Variants in ITIH4 observed in about 807,000 individuals in gnomAD.
ITIH4 encodes inter-alpha-trypsin inhibitor heavy chain H4.
ITIH4 carries 79 observed loss-of-function variants against 111.8 expected under a neutral mutation model. That is an observed-to-expected ratio of 0.71 (90% confidence interval 0.59 to 0.85). The LOEUF (loss-of-function observed/expected upper bound fraction) is 0.85, where lower values mean the gene tolerates loss of function less well. Ranked by LOEUF, ITIH4 falls within the 40% of genes least tolerant of loss-of-function variation. ITIH4 has a pLI of 0.00. For missense variants in ITIH4, 1,065 were observed against 1,195.8 expected, an observed-to-expected ratio of 0.89 and a Z score of 1.61; for synonymous variants, 472 against 468.3, an observed-to-expected ratio of 1.01 and a Z score of -0.10.
At chr3:52,820,851 C>G in intron 12 of ITIH4, 66 bp from the exon 13 acceptor site, 2 of 1,557,358 alleles carry the variant, frequency 1.3e-6, no homozygotes, top group Non-Finnish European at 1.7e-6. Flanking sequence ...CCATCCAGCC[C>G]CTTCTGGGGA....
At chr3:52,830,051 A>T (rs1201348240) in intron 1 of ITIH4, 1 of 301,836 alleles carries the variant, frequency 3.3e-6, no homozygotes, top group Non-Finnish European at 6.4e-6. Context: ...TTTGGCACAG[A>T]GGTGCCAAGT....
At position 52,824,575 on chromosome 3, in the gene ITIH4, G is replaced by A. The variant is rs1578779460; in HGVS notation, c.877-10C>T. 6.2e-7 allele frequency: 1 copy of A among 1,605,788 alleles called. No homozygotes were observed. Among genetic ancestry groups the A allele is most frequent in the Non-Finnish European group, 8.5e-7 (1 of 1,176,794 alleles). ...TTAGGGCTTCCCGGGTCTGGTCAGG[G>A]AGAGGAAACATAGGTGCTTCAGAAG... On this transcript the variant is annotated splice_polypyrimidine_tract_variant and intron_variant, in intron 7 of 23. Transcript: ENST00000266041. The surrounding 1 kb of genome is among the most constrained non-coding windows in gnomAD (Gnocchi z 4.3).
At chr3:52,826,418 G>A (rs892898641) in intron 5 of ITIH4, 123 bp downstream of exon 5, 5 of 721,282 alleles carry the variant, frequency 6.9e-6, no homozygotes, top group Non-Finnish European at 1.2e-5. Flanking sequence ...GATCTCAGGA[G>A]CCTCTCCAGG....
At position 52,814,300 on chromosome 3, in the gene ITIH4, G is replaced by A. The variant is rs754494907; in HGVS notation, c.2535C>T (p.Ile845=). 2.0e-5 allele frequency: 32 copies of A among 1,613,906 alleles called. No homozygotes were observed. Among genetic ancestry groups the A allele is most frequent in the South Asian group, 3.3e-5 (3 of 91,064 alleles). The change falls in exon 22 of 24, where the codon ATC becomes ATT. Residue 845 remains isoleucine, a synonymous_variant. Coordinates refer to ENST00000266041, the MANE Select transcript of ITIH4 (RefSeq NM_002218.5). ...CACGGCCATCCCAGAACAACAGGCC[G>A]ATGGTCACTTTGTCTGGGTCACTGA... ...LLLSDPDKVT[I]GLLFWDGRGE...
Position 52,818,293 on chromosome 3 carries a change from G to A in ITIH4, c.2153-10C>T. The A allele has an allele frequency of 6.3e-7, 1 of 1,575,788 alleles. No individual in the cohort carries two copies. Among genetic ancestry groups the A allele is most frequent in the South Asian group, 1.2e-5 (1 of 83,250 alleles). On this transcript the variant is annotated splice_polypyrimidine_tract_variant and intron_variant, in intron 18 of 23. Transcript: ENST00000266041. ...GTTGTCATGGTTGTTTCTAAAAGAAGAAAAAGTCTGGGTTTAGGCAGCCCC... is the reference window on the plus strand; with the variant it reads ...GTTGTCATGGTTGTTTCTAAAAGAAAAAAAAGTCTGGGTTTAGGCAGCCCC...
intron 13 of ITIH4, 95 bp downstream of exon 13, chr3:52,820,536 G>T: frequency 1.4e-6 from 2 of 1,443,570 alleles, no homozygotes; most frequent in Non-Finnish European, 1.9e-6. Flanking sequence ...TTGGGGGCAC[G>T]GTTGGGGTCT....
At chr3:52,827,489 C>A (rs1175610325) in intron 2 of ITIH4, among the ~76,000 whole-genome samples, 1 of 152,232 alleles carries the variant, frequency 6.6e-6, no homozygotes, top group African/African-American at 2.4e-5. Flanking sequence ...CGGGCTAAAT[C>A]CTGCCTTCTC....
chr3:52,829,088 G>A, intron 2 of ITIH4, 31 bp downstream of exon 2: 3 of 1,573,278 alleles, frequency 1.9e-6, no homozygotes, highest in Non-Finnish European at 2.6e-6. Flanking sequence ...TGGGGGGTGT[G>A]GAGAGGGGAG....
intron 2 of ITIH4, among the ~76,000 whole-genome samples, chr3:52,828,496 T>C (rs2154111737): frequency 6.6e-6 from 1 of 152,348 alleles, no homozygotes; most frequent in Non-Finnish European, 1.5e-5. Flanking sequence ...GCCCTTGTCC[T>C]AAATCACAGC....
chr3:52,824,209 G>A lies in ITIH4; in HGVS notation c.1152C>T (p.Thr384=), dbSNP rs753455021. The A allele has an allele frequency of 2.6e-5, 42 of 1,613,402 alleles. No homozygotes were observed. Among genetic ancestry groups the A allele is most frequent in the East Asian group, 1.8e-4 (8 of 44,880 alleles). The part of the protein sequence containing the change: ...EGSVSLIILL[T]DGDPTVGETN... ...CCTCACCCACAGTGGGGTCGCCATC[G>A]GTGAGCAGGATGATGAGTGAGACAC... The change falls in exon 9 of 24, where the codon ACC becomes ACT. Residue 384 remains threonine, a synonymous_variant. Coordinates refer to ENST00000266041, the MANE Select transcript of ITIH4 (RefSeq NM_002218.5). The surrounding 1 kb of genome is among the most constrained non-coding windows in gnomAD (Gnocchi z 4.3).
At chr3:52,821,508 AC>A (rs1283870845) in intron 11 of ITIH4, among the ~76,000 whole-genome samples, 1 of 152,080 alleles carries the variant, frequency 6.6e-6, no homozygotes, top group African/African-American at 2.4e-5. Context: ...GCCTGCCCTT[AC>A]CCCCAAAGCT....
At chr3:52,823,119 G>A (rs1316221895) in intron 11 of ITIH4, among the ~76,000 whole-genome samples, 1 of 152,220 alleles carries the variant, frequency 6.6e-6, no homozygotes, top group African/African-American at 2.4e-5. Context: ...TCCCTGGAAG[G>A]AGGCAGGGAA....
intron 1 of ITIH4, chr3:52,830,094 G>A (rs1002042957): frequency 4.7e-5 from 15 of 318,194 alleles, no homozygotes; most frequent in South Asian, 1.3e-4. Context: ...TTTGCTCTGC[G>A]ACAAGCACTG....
chr3:52,816,809 C>T, intron 21 of ITIH4, 75 bp downstream of exon 21: 1 of 1,442,838 alleles, frequency 6.9e-7, no homozygotes, highest in Non-Finnish European at 9.6e-7. Context: ...GGCCTCAGGC[C>T]ACCTGCTGGT....
At chr3:52,823,773 C>T (rs1458597859) in intron 10 of ITIH4, 32 bp from the exon 11 acceptor site, 2 of 1,613,840 alleles carry the variant, frequency 1.2e-6, no homozygotes, top group South Asian at 1.1e-5. Context: ...AAAGGCTGGG[C>T]TTTATGACTG....
At chr3:52,820,475 G>A in intron 13 of ITIH4, 156 bp downstream of exon 13, 6 of 1,155,466 alleles carry the variant, frequency 5.2e-6, no homozygotes, top group South Asian at 1.5e-5. Context: ...CAGGAGACCC[G>A]GCTTCACTTT....
chr3:52,825,819 C>G, intron 6 of ITIH4, 67 bp downstream of exon 6: 1 of 1,534,036 alleles, frequency 6.5e-7, no homozygotes, highest in Non-Finnish European at 8.8e-7. Context: ...TCTAAAATAC[C>G]CAAGCTCAGG....
At position 52,824,872 on chromosome 3, in the gene ITIH4, G is replaced by T. The variant is rs537236780; in HGVS notation, c.846C>A (p.Ser282Arg). The T allele has an allele frequency of 4.3e-6, 7 of 1,613,912 alleles. No individual in the cohort carries two copies. The East Asian group carries it at 1.6e-4, about 36-fold the overall frequency. Residue 282 changes from serine (S) to arginine (R), a missense_variant, in exon 7 of 24, where the codon AGC (serine) becomes AGA (arginine). By Grantham distance (110) the Ser-to-Arg change is moderately radical (BLOSUM62 -1). Coordinates refer to ENST00000266041, the MANE Select transcript of ITIH4 (RefSeq NM_002218.5). The surrounding 1 kb of genome is among the most constrained non-coding windows in gnomAD (Gnocchi z 4.3). ...GGATTTTCCTGCCACTCATGGAGCC[G>T]CTCTTGTCAATGACAAAGACCACAT... ...PKNVVFVIDKSGSMSGRKIQQ... is the reference protein window; with the variant it reads ...PKNVVFVIDKRGSMSGRKIQQ...
At chr3:52,826,755 G>A in intron 4 of ITIH4, 36 bp downstream of exon 4, 5 of 1,613,534 alleles carry the variant, frequency 3.1e-6, no homozygotes, top group Non-Finnish European at 4.2e-6. Flanking sequence ...CAAGGGTCAT[G>A]CAGGAGGCCT....
Sources: allele counts gnomAD v4.1 joint callset (sites outside exome capture counted in the v4.1 genomes callset), GRCh38; gene constraint gnomAD v4.1.1; non-coding constraint Gnocchi (gnomAD v3.1); transcripts MANE v1.5; gene names NCBI Gene and HGNC (gene_info 2026-07-23, HGNC 2026-07-21).